PCDHA8: variants seen among roughly 807,000 people sequenced by gnomAD.
The protein encoded by PCDHA8 is protocadherin alpha 8.
A neutral mutation model predicts 61.8 loss-of-function variants in PCDHA8; 53 were observed. The observed-to-expected ratio is 0.86, with a 90% CI of 0.69 to 1.08. The LOEUF is 1.08. PCDHA8 is among the 50% of genes least tolerant of loss of function. The pLI, the probability that PCDHA8 is intolerant of heterozygous loss-of-function variation, is 0.00. For synonymous variants in PCDHA8, 618 were observed against 556.6 expected, an observed-to-expected ratio of 1.11 and a Z score of -1.55; for missense variants, 1,293 against 1,245.0, an observed-to-expected ratio of 1.04 and a Z score of -0.58.
intron 3 of PCDHA8, among the ~76,000 whole-genome samples, chr5:141,007,067 G>A (rs1352139121): frequency 1.3e-5 from 2 of 152,164 alleles, no homozygotes; most frequent in African/African-American, 4.8e-5. Flanking sequence ...AAAGGAGAGA[G>A]TGAAGAGAAA....
intron 1 of PCDHA8, chr5:140,856,391 G>A (rs1554148627): frequency 6.3e-7 from 1 of 1,598,560 alleles, no homozygotes; most frequent in Non-Finnish European, 8.6e-7. Context: ...GCCGCTGCAG[G>A]TTTTCCATGT....
At chr5:140,994,657 A>G (rs2097643468) in intron 3 of PCDHA8, among the ~76,000 whole-genome samples, 1 of 152,166 alleles carries the variant, frequency 6.6e-6, no homozygotes, top group Non-Finnish European at 1.5e-5. Flanking sequence ...GTGAGCTGAG[A>G]TCACACTACT....
chr5:140,926,757 A>T, intron 1 of PCDHA8: 1 of 1,278,278 alleles, frequency 7.8e-7, no homozygotes, highest in Non-Finnish European at 1.0e-6. Flanking sequence ...GCGGTCGCTG[A>T]GTATCCAGCC....
Position 140,870,951 on chromosome 5 carries a change from C to T in PCDHA8, c.2394+27236C>T, listed in dbSNP as rs781985952. 6 of 1,613,558 alleles carry T rather than the reference C, an allele frequency of 3.7e-6. No individual in the cohort carries two copies. The Admixed American group carries it at 1.0e-4, about 27-fold the overall frequency. ...ATGAATTGCAGCCGGCGGCGGGCGGCTCGCGCATCCCGTTCCGCGTGGGGC... is the reference window on the plus strand; with the variant it reads ...ATGAATTGCAGCCGGCGGCGGGCGGTTCGCGCATCCCGTTCCGCGTGGGGC... On this transcript the variant is annotated intron_variant, in intron 1 of 3. Transcript: ENST00000531613.
At chr5:140,911,677 C>T (rs904570548) in intron 1 of PCDHA8, among the ~76,000 whole-genome samples, 4 of 152,118 alleles carry the variant, frequency 2.6e-5, no homozygotes, top group African/African-American at 7.2e-5. Flanking sequence ...TCTCACGAAC[C>T]GTGCATCAGG....
chr5:140,966,545 G>T (rs1554228431), intron 1 of PCDHA8: 1 of 465,862 alleles, frequency 2.1e-6, no homozygotes, highest in East Asian at 3.5e-5. Context: ...CGACTCGGAG[G>T]CGAGCGGAGG....
rs376867914 is a variant in PCDHA8 at position 140,880,239 on chromosome 5, TGC to T, written c.2394+36526_2394+36527del. Among the ~76,000 whole-genome samples the T allele has an allele frequency of 5.6e-3, 860 of 152,302 alleles. 5 individuals carry two copies. The highest frequency in any genetic ancestry group is 0.014 in the Middle Eastern group (4 of 294). On this transcript the variant is annotated intron_variant, in intron 1 of 3. Transcript: ENST00000531613. ...AGTAGAACATTTAAATTAGTGTATG[TGC>T]GTGTGTGTATGTATACATATTTTAG...
In PCDHA8 at chr5:140,855,922, T is replaced by C. The variant is rs2043674213; in HGVS notation, c.2394+12207T>C. ...AGCCAGTTTCTCAAGGACTAGGAAG[T>C]AGCGTCATTCTGAGATCTCAGCCAT... On this transcript the variant is annotated intron_variant, in intron 1 of 3. Transcript: ENST00000531613. The C allele has an allele frequency of 3.3e-6, 4 of 1,227,726 alleles. No homozygotes were observed. In the Admixed American group the frequency reaches 1.0e-4, roughly 31 times the overall value. The allele number at this position is 1,227,726 out of a possible 1,614,324, so 76.1% of individuals were successfully genotyped here.
chr5:140,948,345 A>G (rs1476053305), intron 1 of PCDHA8, among the ~76,000 whole-genome samples: 3 of 151,554 alleles, frequency 2.0e-5, no homozygotes, highest in African/African-American at 7.2e-5. Context: ...TAGTATTTCT[A>G]ACCTAATAAA....
chr5:140,850,520 G>A (rs2150487404), intron 1 of PCDHA8: 1 of 1,598,300 alleles, frequency 6.3e-7, no homozygotes, highest in South Asian at 1.1e-5. Context: ...GCGGCCAGGC[G>A]CCAAAGTCAT....
chr5:140,982,264 TG>T, intron 2 of PCDHA8: 1 of 865,882 alleles, frequency 1.2e-6, no homozygotes, highest in Non-Finnish European at 1.7e-6. Flanking sequence ...TGTGTGTTCC[TG>T]GAATAGTATA....
chr5:140,843,181 C>T lies in PCDHA8; in HGVS notation c.1860C>T (p.Ile620=), dbSNP rs1463551741. ...AGCCAGCTGCAAGCAGCCCTCGCATCCCGTTCCGCGTGGGGCTGTACACGG... is the reference window on the plus strand; with the variant it reads ...AGCCAGCTGCAAGCAGCCCTCGCATTCCGTTCCGCGTGGGGCTGTACACGG... ...ELQPAASSPR[I]PFRVGLYTGE... Residue 620 remains isoleucine (I), a synonymous_variant, in exon 1 of 4, where the codon ATC becomes ATT. Coordinates refer to ENST00000531613, the MANE Select transcript of PCDHA8 (RefSeq NM_018911.3). 2 of 1,595,954 alleles carry T rather than the reference C, an allele frequency of 1.3e-6. No individual in the cohort carries two copies. The highest frequency in any genetic ancestry group is 1.7e-6 in the Non-Finnish European group (2 of 1,165,626).
chr5:140,852,025 G>T, intron 1 of PCDHA8: 1 of 947,208 alleles, frequency 1.1e-6, no homozygotes. Flanking sequence ...TAAAAACTTC[G>T]CTTATTGAGT....
intron 1 of PCDHA8, chr5:140,882,691 C>G (rs201544181): frequency 1.2e-6 from 2 of 1,614,216 alleles, no homozygotes; most frequent in Admixed American, 1.7e-5. Context: ...AACGAATAAT[C>G]ATTGCAGAAT....
chr5:140,860,295 G>C (rs1358884678), intron 1 of PCDHA8: 2 of 151,884 alleles, frequency 1.3e-5, no homozygotes, highest in Non-Finnish European at 2.9e-5. Context: ...GTGGGAGGAC[G>C]GCTTGAGCCT....
chr5:140,875,685 C>A (rs563250653), intron 1 of PCDHA8: 1 of 1,613,934 alleles, frequency 6.2e-7, no homozygotes, highest in East Asian at 2.2e-5. Context: ...CCAAAAGACA[C>A]GGGGACCTTC....
chr5:140,854,084 C>G (rs2150307258), intron 1 of PCDHA8: 2 of 266,726 alleles, frequency 7.5e-6, no homozygotes, highest in East Asian at 3.6e-4. Context: ...ATCGCTTGAG[C>G]CTGGGACATT....
Position 140,869,569 on chromosome 5 carries a change from G to A in PCDHA8, c.2394+25854G>A, listed in dbSNP as rs200465902. ...ATCGGACTCGCGTTTTCCACTAGAG[G>A]GAGCTTCTGATGCTGACATTGAAGA... On this transcript the variant is annotated intron_variant, in intron 1 of 3. Coordinates refer to ENST00000531613, the MANE Select transcript of PCDHA8 (RefSeq NM_018911.3). 4.4e-4 allele frequency: 718 copies of A among 1,614,118 alleles called. 4 individuals carry two copies. The African/African-American group carries it at 8.4e-3, about 19-fold the overall frequency.
In PCDHA8 at chr5:140,883,265, C is replaced by G. The variant is rs782741439; in HGVS notation, c.2394+39550C>G. 4.5e-5 allele frequency: 73 copies of G among 1,613,790 alleles called. No homozygotes were observed. The highest frequency in any genetic ancestry group is 6.0e-5 in the Non-Finnish European group (71 of 1,179,996). ...CAAAGGAAATATTCCAATGGCGGGTCATTGTACCCTTTTGGTGGAAGTACT... is the reference window on the plus strand; with the variant it reads ...CAAAGGAAATATTCCAATGGCGGGTGATTGTACCCTTTTGGTGGAAGTACT... On this transcript the variant is annotated intron_variant, in intron 1 of 3. Transcript: ENST00000531613.
Sources: gnomAD v4.1 joint callset for allele counts (sites outside exome capture counted in the v4.1 genomes callset) on GRCh38, gnomAD v4.1.1 for gene constraint, MANE v1.5 for transcripts, NCBI Gene and HGNC (gene_info 2026-07-23, HGNC 2026-07-21) for gene names.